SUGCT: variants seen among roughly 807,000 people sequenced by gnomAD.
The protein encoded by SUGCT is succinyl-CoA:glutarate-CoA transferase, also known as succinyl-CoA:glutarate CoA-transferase.
In SUGCT, 41 loss-of-function variants were observed where a neutral mutation model predicts 55.0. The observed-to-expected ratio is 0.74, with a 90% CI of 0.58 to 0.97. The LOEUF is 0.97. Among genes scored for constraint, SUGCT ranks in the 50% least tolerant of loss-of-function variants. SUGCT has a pLI of 0.00. For synonymous variants in SUGCT, 187 were observed against 200.4 expected, an observed-to-expected ratio of 0.93 and a Z score of 0.56; for missense variants, 568 against 547.8, an observed-to-expected ratio of 1.04 and a Z score of -0.37.
chr7:40,885,142 G>C, the SUGCT span, among the ~76,000 whole-genome samples: 2 of 152,164 alleles, frequency 1.3e-5, no homozygotes, highest in Non-Finnish European at 2.9e-5. Flanking sequence ...AGTGGCCGAG[G>C]TTATGGTATT....
At chr7:40,276,807 G>T (rs1792519886) in intron 8 of SUGCT, among the ~76,000 whole-genome samples, 1 of 139,278 alleles carries the variant, frequency 7.2e-6, no homozygotes, top group South Asian at 2.5e-4. Context: ...GTGTGTGTGT[G>T]TGTGTGTGTG....
chr7:40,671,307 TAAGA>T (rs1801926730), intron 12 of SUGCT, among the ~76,000 whole-genome samples: 1 of 152,198 alleles, frequency 6.6e-6, no homozygotes, highest in East Asian at 1.9e-4. Flanking sequence ...TCATTCATTA[TAAGA>T]CTCTCGGAAA....
chr7:40,798,103 G>C (rs1000348290), intron 13 of SUGCT, among the ~76,000 whole-genome samples: 1 of 152,118 alleles, frequency 6.6e-6, no homozygotes, highest in Non-Finnish European at 1.5e-5. Context: ...GCCACACACA[G>C]ATTCTCCAAC....
chr7:40,727,293 T>C (rs187446301), intron 12 of SUGCT, among the ~76,000 whole-genome samples: 1 of 152,350 alleles, frequency 6.6e-6, no homozygotes, highest in African/African-American at 2.4e-5. Context: ...AATTCACTTT[T>C]GCATTTCTAA....
intron 8 of SUGCT, 21 bp from the exon 9 acceptor site, chr7:40,316,739 A>G (rs1217031000): frequency 6.7e-7 from 1 of 1,487,360 alleles, no homozygotes; most frequent in East Asian, 2.4e-5. Flanking sequence ...TATTTTATTT[A>G]TTTACTTTTT....
intron 9 of SUGCT, among the ~76,000 whole-genome samples, chr7:40,394,044 C>T (rs574856378): frequency 1.3e-5 from 2 of 152,106 alleles, no homozygotes; most frequent in African/African-American, 2.4e-5. Context: ...TATGAATTGT[C>T]GAAGACCTGA....
chr7:40,330,014 C>T (rs968977078), intron 9 of SUGCT, among the ~76,000 whole-genome samples: 3 of 152,182 alleles, frequency 2.0e-5, no homozygotes, highest in Non-Finnish European at 4.4e-5. Context: ...CATTATATAA[C>T]CTCAGCAGAG....
the SUGCT span, among the ~76,000 whole-genome samples, chr7:40,918,545 G>A: frequency 6.6e-6 from 1 of 151,402 alleles, no homozygotes; most frequent in Non-Finnish European, 1.5e-5. Context: ...TAAGAGGAAA[G>A]TCAAGTTAGC....
chr7:40,670,254 A>T (rs1394254398), intron 12 of SUGCT, among the ~76,000 whole-genome samples: 1 of 151,554 alleles, frequency 6.6e-6, no homozygotes, highest in Non-Finnish European at 1.5e-5. Context: ...TCAAGAACCT[A>T]GAAAAAGCAG....
chr7:40,601,256 A>C (rs1042063562), intron 12 of SUGCT, among the ~76,000 whole-genome samples: 2 of 152,086 alleles, frequency 1.3e-5, no homozygotes, highest in African/African-American at 4.8e-5. Flanking sequence ...ACAATCTAAA[A>C]ACTCCTTGTT....
intron 9 of SUGCT, among the ~76,000 whole-genome samples, chr7:40,408,499 T>C (rs926209025): frequency 6.6e-6 from 1 of 152,174 alleles, no homozygotes; most frequent in African/African-American, 2.4e-5. Flanking sequence ...TCTAAGAATA[T>C]TTTTCAGCCA....
the SUGCT span, among the ~76,000 whole-genome samples, chr7:40,964,344 A>G: frequency 6.6e-6 from 1 of 152,196 alleles, no homozygotes; most frequent in South Asian, 2.1e-4. Context: ...TGAACATCTT[A>G]TTTGCATGCA....
At chr7:40,882,627 T>C in the SUGCT span, among the ~76,000 whole-genome samples, 1 of 152,210 alleles carries the variant, frequency 6.6e-6, no homozygotes, top group Admixed American at 6.5e-5. Context: ...CTGCTACCCA[T>C]TGAATTCAGG....
rs1414508822 is a variant in SUGCT at position 40,568,818 on chromosome 7, T to C, written c.1089+72432T>C. Among the ~76,000 whole-genome samples the C allele has an allele frequency of 3.3e-5, 5 of 152,226 alleles. No individual in the cohort carries two copies. The East Asian group carries it at 9.6e-4, about 29-fold the overall frequency. ...AATAGCTTCCTTTAGCCAAAAGCAG[T>C]TAATAAGTTCCTTCGTGAGAATTAG... On this transcript the variant is annotated intron_variant, in intron 12 of 13. Transcript: ENST00000335693.
chr7:40,657,394 A>G (rs1490547978), intron 12 of SUGCT, among the ~76,000 whole-genome samples: 1 of 152,196 alleles, frequency 6.6e-6, no homozygotes, highest in African/African-American at 2.4e-5. Flanking sequence ...CTAGCCTATC[A>G]TATCTACAAA....
chr7:40,667,677 A>C (rs1295361065), intron 12 of SUGCT, among the ~76,000 whole-genome samples: 1 of 150,580 alleles, frequency 6.6e-6, no homozygotes, highest in African/African-American at 2.4e-5. Context: ...CAATCTTGGG[A>C]GACTGTGTAT....
At chr7:40,954,005 A>C in the SUGCT span, among the ~76,000 whole-genome samples, 1 of 152,234 alleles carries the variant, frequency 6.6e-6, no homozygotes, top group Non-Finnish European at 1.5e-5. Context: ...TTAAGTCTGC[A>C]GAGGTTTCTG....
intron 12 of SUGCT, among the ~76,000 whole-genome samples, chr7:40,568,320 T>C (rs976994236): frequency 1.3e-5 from 2 of 151,732 alleles, no homozygotes; most frequent in Admixed American, 1.3e-4. Flanking sequence ...TTATCAGTGA[T>C]ACACACACAC....
At chr7:40,730,013 T>C (rs537591261) in intron 12 of SUGCT, among the ~76,000 whole-genome samples, 2 of 152,334 alleles carry the variant, frequency 1.3e-5, no homozygotes, top group South Asian at 4.1e-4. Context: ...CTTGGGCTGC[T>C]TGGCTCGGTC....
Sources: gnomAD v4.1 joint callset for allele counts (sites outside exome capture counted in the v4.1 genomes callset) on GRCh38, gnomAD v4.1.1 for gene constraint, MANE v1.5 for transcripts, NCBI Gene and HGNC (gene_info 2026-07-23, HGNC 2026-07-21) for gene names.